Variants in GRK5 observed in about 807,000 individuals in gnomAD.
The protein encoded by GRK5 is G protein-coupled receptor kinase 5.
In GRK5, 40 loss-of-function variants were observed where a neutral mutation model predicts 78.4. That is an observed-to-expected ratio of 0.51 (90% CI 0.40 to 0.66). GRK5 has a LOEUF of 0.66. Among genes scored for constraint, GRK5 ranks in the 30% least tolerant of loss-of-function variants. The pLI, the probability that GRK5 is intolerant of heterozygous loss-of-function variation, is 0.00. For missense variants in GRK5, 598 were observed against 759.9 expected (o/e 0.79, Z 2.50); for synonymous variants, 289 against 296.8 (o/e 0.97, Z 0.27).
rs372256166 is a variant in GRK5, at chr10:119,443,573, G to A, written c.1087G>A (p.Gly363Ser). The change falls in exon 12 of 16, where the codon GGC (glycine) becomes AGC (serine). Residue 363 changes from glycine (G) to serine (S), a missense_variant. Coordinates refer to ENST00000392870, the MANE Select transcript of GRK5 (RefSeq NM_005308.3). ...APEVLNNQRY[G>S]LSPDYWGLGC... ...AGAGGTCCTGAACAACCAGAGGTACGGCCTGAGCCCCGACTACTGGGGCCT... is the reference window on the plus strand; with the variant it reads ...AGAGGTCCTGAACAACCAGAGGTACAGCCTGAGCCCCGACTACTGGGGCCT... 2.2e-5 allele frequency: 36 copies of A among 1,611,426 alleles called. No homozygotes were observed. The highest frequency in any genetic ancestry group is 8.0e-5 in the African/African-American group (6 of 75,002).
At chr10:119,327,599 C>T (rs1033701774) in intron 2 of GRK5, among the ~76,000 whole-genome samples, 10 of 152,208 alleles carry the variant, frequency 6.6e-5, no homozygotes, top group Admixed American at 2.0e-4. Flanking sequence ...CCCTGGAATT[C>T]AAGGCCACAT....
chr10:119,419,891 T>C (rs1434526144), intron 4 of GRK5, among the ~76,000 whole-genome samples: 1 of 152,226 alleles, frequency 6.6e-6, no homozygotes, highest in East Asian at 1.9e-4. Flanking sequence ...CACTTGCCTC[T>C]GCTATGGGAC....
chr10:119,257,474 T>C (rs559901864), intron 1 of GRK5, among the ~76,000 whole-genome samples: 1 of 152,188 alleles, frequency 6.6e-6, no homozygotes, highest in African/African-American at 2.4e-5. Context: ...CCTATAATCC[T>C]CCACTTTGGA....
chr10:119,223,983 T>C (rs1180033114), intron 1 of GRK5, among the ~76,000 whole-genome samples: 1 of 151,994 alleles, frequency 6.6e-6, no homozygotes, highest in Non-Finnish European at 1.5e-5. Flanking sequence ...ACAACTATGA[T>C]ACCCACTGTA....
intron 4 of GRK5, among the ~76,000 whole-genome samples, chr10:119,417,182 G>A (rs961327563): frequency 1.1e-4 from 17 of 152,204 alleles, no homozygotes; most frequent in Admixed American, 3.9e-4. Flanking sequence ...CACTGAGGGT[G>A]GGTGTCTGAG....
intron 1 of GRK5, among the ~76,000 whole-genome samples, chr10:119,246,978 A>T (rs1849124358): frequency 6.6e-6 from 1 of 152,166 alleles, no homozygotes; most frequent in Non-Finnish European, 1.5e-5. Context: ...TTCTATCCAG[A>T]TCTGAGAAGG....
At chr10:119,259,885 G>A (rs1295169989) in intron 1 of GRK5, among the ~76,000 whole-genome samples, 1 of 152,168 alleles carries the variant, frequency 6.6e-6, no homozygotes, top group African/African-American at 2.4e-5. Context: ...AGTTTTTGGC[G>A]ATTATGAATA....
chr10:119,455,144 T>A lies in GRK5; in HGVS notation c.*77T>A. On this transcript the variant is annotated 3_prime_UTR_variant, in exon 16 of 16. Coordinates refer to ENST00000392870, the MANE Select transcript of GRK5 (RefSeq NM_005308.3). ...TTAGAAGTGGAAGTAGTGGAGCCCC[T>A]GCTCTGGTGGGGCTGCCAGGGGAGA... is the stretch of plus-strand genomic sequence containing the variant. 4.3e-6 allele frequency: 5 copies of A among 1,174,534 alleles called. No homozygotes were observed. The highest frequency in any genetic ancestry group is 6.4e-6 in the Non-Finnish European group (5 of 784,300). 72.8% of individuals were successfully genotyped at this position (1,174,534 alleles called of 1,614,324 possible).
intron 1 of GRK5, among the ~76,000 whole-genome samples, chr10:119,223,555 T>G (rs1380117553): frequency 6.6e-6 from 1 of 152,088 alleles, no homozygotes; most frequent in Non-Finnish European, 1.5e-5. Context: ...ACATCCAGAC[T>G]ACTCTGACCG....
In GRK5 at chr10:119,436,944, C is replaced by T. The variant is rs542217744; in HGVS notation, c.929+103C>T. On this transcript the variant is annotated intron_variant, in intron 9 of 15. Transcript: ENST00000392870. ...GGTTGCCATCGCTCTGGGAATCAGC[C>T]CTGGTCAGCACCAGGGGAGGATGCA... The T allele has an allele frequency of 1.8e-4, 200 of 1,089,160 alleles. 1 individual carries two copies. The highest frequency in any genetic ancestry group is 1.6e-3 in the Admixed American group (59 of 36,456). The allele number at this position is 1,089,160 out of a possible 1,614,324, so 67.5% of individuals were successfully genotyped here. A position where few individuals can be genotyped will look rare whatever the true frequency, so the allele number is the denominator to read the frequency against.
chr10:119,447,950 G>A (rs938235147), intron 12 of GRK5, among the ~76,000 whole-genome samples, 173 bp from the exon 13 acceptor site: 2 of 152,250 alleles, frequency 1.3e-5, no homozygotes, highest in African/African-American at 2.4e-5. Context: ...CAGGCTGTGA[G>A]TGTGTGAGCA....
At chr10:119,355,092 A>T (rs969892331) in intron 2 of GRK5, among the ~76,000 whole-genome samples, 15 of 152,250 alleles carry the variant, frequency 9.9e-5, no homozygotes, top group African/African-American at 3.4e-4. Context: ...CTATATAAAT[A>T]GTTGTTATAC....
chr10:119,366,884 G>T (rs933995573), intron 2 of GRK5, among the ~76,000 whole-genome samples: 2 of 152,202 alleles, frequency 1.3e-5, no homozygotes, highest in Non-Finnish European at 2.9e-5. Flanking sequence ...GTCAGCAAGA[G>T]CTGAGTTCAC....
intron 6 of GRK5, among the ~76,000 whole-genome samples, chr10:119,426,294 G>A (rs578063175): frequency 6.6e-6 from 1 of 152,342 alleles, no homozygotes; most frequent in African/African-American, 2.4e-5. Context: ...CACCTGACTG[G>A]TGGGGATGAC....
chr10:119,347,476 C>T (rs1406184605), intron 2 of GRK5, among the ~76,000 whole-genome samples: 1 of 152,076 alleles, frequency 6.6e-6, no homozygotes, highest in African/African-American at 2.4e-5. Flanking sequence ...TGTGTGCATG[C>T]ACGTGCACGT....
chr10:119,332,289 T>C (rs1346926208), intron 2 of GRK5, among the ~76,000 whole-genome samples: 1 of 152,112 alleles, frequency 6.6e-6, no homozygotes, highest in Non-Finnish European at 1.5e-5. Flanking sequence ...GTATTTTTTG[T>C]AGAGACGGGA....
intron 1 of GRK5, among the ~76,000 whole-genome samples, chr10:119,220,564 G>GT (rs1848640806): frequency 6.6e-6 from 1 of 152,144 alleles, no homozygotes; most frequent in Admixed American, 6.5e-5. Context: ...GCGAGGCATG[G>GT]TGGCTCATGC....
intron 1 of GRK5, among the ~76,000 whole-genome samples, chr10:119,254,445 C>A (rs944818238): frequency 1.4e-4 from 22 of 152,042 alleles, no homozygotes; most frequent in Non-Finnish European, 1.0e-4. Context: ...TACTGGGGAA[C>A]AGGCAGACCT....
At chr10:119,327,484 A>G (rs945219837) in intron 2 of GRK5, among the ~76,000 whole-genome samples, 16 of 152,198 alleles carry the variant, frequency 1.1e-4, no homozygotes, top group Non-Finnish European at 2.1e-4. Context: ...AAGAAGACTC[A>G]AGTCCACTGA....
Sources: allele counts gnomAD v4.1 joint callset (sites outside exome capture counted in the v4.1 genomes callset), GRCh38; gene constraint gnomAD v4.1.1; transcripts MANE v1.5; gene names NCBI Gene and HGNC (gene_info 2026-07-23, HGNC 2026-07-21).